Variants in IFT80 observed in about 807,000 individuals in gnomAD.
IFT80 encodes the protein intraflagellar transport protein 80 homolog.
IFT80 carries 79 observed loss-of-function variants against 107.9 expected under a neutral mutation model. The observed-to-expected ratio is 0.73, with a 90% CI of 0.61 to 0.88. The LOEUF (loss-of-function observed/expected upper bound fraction) is 0.88, where lower values mean the gene tolerates loss of function less well. IFT80 is among the 40% of genes least tolerant of loss of function. IFT80 has a pLI of 0.00. For synonymous variants in IFT80, 299 were observed against 300.9 expected (o/e 0.99, Z 0.07); for missense variants, 797 against 914.2 (o/e 0.87, Z 1.65).
chr3:160,380,568 G>A (rs1445487613), intron 3 of IFT80, among the ~76,000 whole-genome samples: 1 of 152,124 alleles, frequency 6.6e-6, no homozygotes, highest in Non-Finnish European at 1.5e-5. Context: ...AACTCCATTT[G>A]TGCTTAAGTT....
chr3:160,293,035 T>C (rs1715692548), intron 12 of IFT80, among the ~76,000 whole-genome samples: 1 of 152,214 alleles, frequency 6.6e-6, no homozygotes. Context: ...GTAGCGGAAA[T>C]AGCCTGTTTG....
At chr3:160,337,524 C>T (rs1232290246) in intron 8 of IFT80, among the ~76,000 whole-genome samples, 2 of 151,962 alleles carry the variant, frequency 1.3e-5, no homozygotes, top group Non-Finnish European at 2.9e-5. Flanking sequence ...ACTGGGGAGG[C>T]TGAGGCAGAT....
chr3:160,372,458 T>A (rs1049715098), intron 5 of IFT80, among the ~76,000 whole-genome samples: 5 of 152,188 alleles, frequency 3.3e-5, no homozygotes, highest in African/African-American at 4.8e-5. Flanking sequence ...ACTGTCATTA[T>A]AACAACTTAA....
chr3:160,378,519 A>G (rs1242089523), intron 3 of IFT80, among the ~76,000 whole-genome samples: 1 of 152,066 alleles, frequency 6.6e-6, no homozygotes, highest in African/African-American at 2.4e-5. Context: ...CAACCACCAG[A>G]AAAAGAACAG....
chr3:160,363,718 T>C (rs890113487), intron 6 of IFT80, among the ~76,000 whole-genome samples: 15 of 152,106 alleles, frequency 9.9e-5, no homozygotes, highest in African/African-American at 3.6e-4. Context: ...TTTACAACCA[T>C]CTGATCTTTG....
intron 8 of IFT80, among the ~76,000 whole-genome samples, chr3:160,348,062 T>G (rs1234188578): frequency 6.6e-6 from 1 of 152,052 alleles, no homozygotes; most frequent in Non-Finnish European, 1.5e-5. Flanking sequence ...AAACTGAGGG[T>G]TTTAGGTCAT....
intron 8 of IFT80, among the ~76,000 whole-genome samples, chr3:160,329,379 T>C (rs1004016070): frequency 6.6e-6 from 1 of 152,192 alleles, no homozygotes; most frequent in Non-Finnish European, 1.5e-5. Flanking sequence ...TTAGTGGTAC[T>C]GGCAGTGAGA....
chr3:160,370,781 T>A (rs1722178673), intron 5 of IFT80, among the ~76,000 whole-genome samples: 1 of 152,178 alleles, frequency 6.6e-6, no homozygotes, highest in South Asian at 2.1e-4. Flanking sequence ...TTTCCTAATT[T>A]ATCCCTCTTT....
In IFT80 at chr3:160,384,473, C is replaced by A. The variant is rs559654842; in HGVS notation, c.37+91G>T. The A allele has an allele frequency of 6.0e-6, 8 of 1,333,192 alleles. No individual in the cohort carries two copies. In the African/African-American group the frequency reaches 1.1e-4, roughly 18 times the overall value. The allele number at this position is 1,333,192 out of a possible 1,614,324, so 82.6% of individuals were successfully genotyped here. On this transcript the variant is annotated intron_variant, in intron 2 of 19. Coordinates refer to ENST00000326448, the MANE Select transcript of IFT80 (RefSeq NM_020800.3). ...CCACTAAAGGAATGAAAAAAAAAAT[C>A]TATTCTTCAACTAGGATATAAAATA...
intron 10 of IFT80, among the ~76,000 whole-genome samples, chr3:160,306,178 C>G (rs1021569770): frequency 1.3e-5 from 2 of 152,104 alleles, no homozygotes; most frequent in Admixed American, 1.3e-4. Context: ...AGCAACCTTA[C>G]ATTTGCCACA....
rs577478985 is a variant in IFT80 at position 160,359,492 on chromosome 3, G to C, written c.550-1914C>G. Among the ~76,000 whole-genome samples, 433 of 152,262 alleles carry C rather than the reference G, an allele frequency of 2.8e-3. 2 individuals are homozygous for C. Among genetic ancestry groups the C allele is most frequent in the Non-Finnish European group, 4.7e-3 (322 of 68,020 alleles). Reference sequence around the variant, plus strand: ...TCTGAAGAGAGCAGTGGTTCTCCCAGCACGGCGTTTGAGCTCTGAGAATGG... The same window carrying C: ...TCTGAAGAGAGCAGTGGTTCTCCCACCACGGCGTTTGAGCTCTGAGAATGG... On this transcript the variant is annotated intron_variant, in intron 6 of 19. Coordinates refer to ENST00000326448, the MANE Select transcript of IFT80 (RefSeq NM_020800.3).
chr3:160,353,341 T>A (rs534971747), intron 8 of IFT80, among the ~76,000 whole-genome samples: 25 of 152,322 alleles, frequency 1.6e-4, no homozygotes, highest in Admixed American at 1.6e-3. Context: ...TTGCAGGTAG[T>A]GAGAGAGATC....
chr3:160,292,457 C>T (rs970458228), intron 12 of IFT80, among the ~76,000 whole-genome samples: 2 of 150,894 alleles, frequency 1.3e-5, no homozygotes, highest in Admixed American at 6.6e-5. Context: ...GATATAGATT[C>T]CTGCACTAGA....
intron 19 of IFT80, among the ~76,000 whole-genome samples, chr3:160,264,857 C>T (rs1441588929): frequency 6.6e-6 from 1 of 152,174 alleles, no homozygotes; most frequent in African/African-American, 2.4e-5. Context: ...CTCTTTCCTA[C>T]TTTAAAGCCT....
intron 5 of IFT80, 93 bp from the exon 6 acceptor site, chr3:160,366,245 T>G (rs750724637): frequency 1.3e-5 from 11 of 876,112 alleles, no homozygotes; most frequent in Non-Finnish European, 2.1e-5. Flanking sequence ...AAAAAAGCCA[T>G]ATGAGGTGTC....
chr3:160,303,895 AGT>A lies in IFT80; in HGVS notation c.1151+18_1151+19del. The A allele has an allele frequency of 6.7e-7, 1 of 1,488,084 alleles. No homozygotes were observed. The highest frequency in any genetic ancestry group is 9.4e-7 in the Non-Finnish European group (1 of 1,065,448). 92.2% of individuals were successfully genotyped at this position (1,488,084 alleles called of 1,614,324 possible). A position where few individuals can be genotyped will look rare whatever the true frequency, so the allele number is the denominator to read the frequency against. On this transcript the variant is annotated intron_variant, in intron 11 of 19. Coordinates refer to ENST00000326448, the MANE Select transcript of IFT80 (RefSeq NM_020800.3). ...TATTTATTTTAACCCCAGATCCAGT[AGT>A]TAAACATAATAAATTACCTTTCTGC...
chr3:160,357,388 A>G (rs1030239701), intron 7 of IFT80, 101 bp downstream of exon 7: 1 of 684,048 alleles, frequency 1.5e-6, no homozygotes, highest in African/African-American at 1.8e-5. Context: ...ACTGGAGTAA[A>G]AAGACATGGC....
At chr3:160,394,750 A>C (rs374038631) in intron 1 of IFT80, among the ~76,000 whole-genome samples, 3 of 145,968 alleles carry the variant, frequency 2.1e-5, no homozygotes, top group Non-Finnish European at 4.6e-5. Flanking sequence ...ACTCCATCTC[A>C]AAAAAGAAAA....
intron 3 of IFT80, 74 bp from the exon 4 acceptor site, chr3:160,377,614 T>C (rs143716736): frequency 1.1e-5 from 9 of 814,932 alleles, no homozygotes; most frequent in African/African-American, 6.8e-5. Flanking sequence ...GACTAAGTAA[T>C]AGGCACTAAA....
Sources: allele counts gnomAD v4.1 joint callset (sites outside exome capture counted in the v4.1 genomes callset), GRCh38; gene constraint gnomAD v4.1.1; transcripts MANE v1.5; gene names NCBI Gene and HGNC (gene_info 2026-07-23, HGNC 2026-07-21).